The following GPC6 variants were observed in gnomAD, a reference collection of about 807,000 sequenced individuals.
GPC6 encodes the protein glypican-6.
Under a neutral mutation model 55.2 loss-of-function variants are expected in GPC6, and 14 were observed. That is an observed-to-expected ratio of 0.25 (90% CI 0.17 to 0.40). The LOEUF (loss-of-function observed/expected upper bound fraction) is 0.40. Ranked by LOEUF, GPC6 falls within the 10% of genes least tolerant of loss-of-function variation. The pLI is 1.00. For synonymous variants in GPC6, 278 were observed against 259.6 expected (o/e 1.07, Z -0.68); for missense variants, 641 against 708.5 (o/e 0.90, Z 1.08).
chr13:93,999,232 C>T (rs190179281), intron 3 of GPC6, among the ~76,000 whole-genome samples: 65 of 152,218 alleles, frequency 4.3e-4, no homozygotes, highest in Non-Finnish European at 7.6e-4. Context: ...TCCCTGTGTC[C>T]ATGTGTTCTC....
At chr13:93,852,558 A>G (rs867026775) in intron 3 of GPC6, among the ~76,000 whole-genome samples, 6 of 151,750 alleles carry the variant, frequency 4.0e-5, no homozygotes, top group African/African-American at 7.2e-5. Context: ...CCTAAAGTAG[A>G]GCCTACAGTA....
At chr13:93,294,688 A>G (rs558831520) in intron 1 of GPC6, among the ~76,000 whole-genome samples, 1 of 152,178 alleles carries the variant, frequency 6.6e-6, no homozygotes, top group East Asian at 1.9e-4. Flanking sequence ...CATAATAACA[A>G]AGATCTGAAA....
At chr13:93,440,673 A>G (rs1324887254) in intron 1 of GPC6, among the ~76,000 whole-genome samples, 2 of 137,968 alleles carry the variant, frequency 1.4e-5, no homozygotes, top group Non-Finnish European at 3.1e-5. Context: ...CAAGTCTTGC[A>G]TTTATTTATT....
intron 3 of GPC6, among the ~76,000 whole-genome samples, chr13:93,843,751 T>C (rs1888050986): frequency 6.6e-6 from 1 of 152,146 alleles, no homozygotes. Flanking sequence ...CTGAGCTTTT[T>C]TTTGCCTTAG....
intron 1 of GPC6, among the ~76,000 whole-genome samples, chr13:93,315,272 G>A (rs1879209171): frequency 6.6e-6 from 1 of 151,778 alleles, no homozygotes; most frequent in Non-Finnish European, 1.5e-5. Flanking sequence ...TTTGAAGATT[G>A]TATTTCTTTT....
intron 4 of GPC6, among the ~76,000 whole-genome samples, chr13:94,158,681 G>A (rs1448335742): frequency 6.6e-6 from 1 of 152,028 alleles, no homozygotes; most frequent in Non-Finnish European, 1.5e-5. Flanking sequence ...AGGGAGTGAA[G>A]ATAAACTCTG....
intron 2 of GPC6, among the ~76,000 whole-genome samples, chr13:93,682,855 A>G (rs987794751): frequency 1.1e-4 from 17 of 150,918 alleles, no homozygotes; most frequent in African/African-American, 4.1e-4. Context: ...AAAAAAAAAA[A>G]AAAAAAGGGA....
intron 8 of GPC6, among the ~76,000 whole-genome samples, chr13:94,401,479 G>A (rs755909710): frequency 3.3e-5 from 5 of 152,160 alleles, no homozygotes; most frequent in Non-Finnish European, 5.9e-5. Context: ...AGTTGGGCAG[G>A]AAGGGACGAT....
At chr13:94,162,111 T>C (rs1260474473) in intron 4 of GPC6, among the ~76,000 whole-genome samples, 5 of 152,224 alleles carry the variant, frequency 3.3e-5, no homozygotes, top group Non-Finnish European at 5.9e-5. Flanking sequence ...GAGATTTGGG[T>C]GGGGACACAG....
intron 1 of GPC6, among the ~76,000 whole-genome samples, chr13:93,544,439 G>A (rs1206321458): frequency 6.6e-6 from 1 of 152,246 alleles, no homozygotes; most frequent in East Asian, 1.9e-4. Context: ...GACATTGGGT[G>A]GATTTCCATT....
At chr13:93,480,746 G>A (rs1258083832) in intron 1 of GPC6, among the ~76,000 whole-genome samples, 1 of 151,608 alleles carries the variant, frequency 6.6e-6, no homozygotes, top group Admixed American at 6.6e-5. Context: ...TATGTTCAAG[G>A]GTCATCTACA....
intron 1 of GPC6, among the ~76,000 whole-genome samples, chr13:93,456,779 G>C (rs1377449308): frequency 6.6e-6 from 1 of 152,090 alleles, no homozygotes; most frequent in African/African-American, 2.4e-5. Context: ...GTAGCTTCTG[G>C]TGGTTTGTGG....
At chr13:93,387,331 C>T (rs1442329589) in intron 1 of GPC6, among the ~76,000 whole-genome samples, 1 of 152,052 alleles carries the variant, frequency 6.6e-6, no homozygotes, top group Non-Finnish European at 1.5e-5. Context: ...CCCTTCCCCT[C>T]CACCCCCAAC....
At chr13:94,174,149 C>G (rs1325275519) in intron 4 of GPC6, among the ~76,000 whole-genome samples, 2 of 152,030 alleles carry the variant, frequency 1.3e-5, no homozygotes, top group African/African-American at 4.8e-5. Flanking sequence ...AAATTTTGCA[C>G]CATGAAAAAG....
intron 1 of GPC6, among the ~76,000 whole-genome samples, chr13:93,446,897 TAAA>T (rs142833192): frequency 6.6e-6 from 1 of 151,034 alleles, no homozygotes; most frequent in African/African-American, 2.4e-5. Context: ...TTTATGAAAA[TAAA>T]AAAAGAATTT....
At chr13:94,293,066 A>G (rs890670995) in intron 5 of GPC6, among the ~76,000 whole-genome samples, 1 of 152,186 alleles carries the variant, frequency 6.6e-6, no homozygotes, top group Non-Finnish European at 1.5e-5. Context: ...GACCAGGGGC[A>G]AGAGCATATT....
intron 3 of GPC6, among the ~76,000 whole-genome samples, chr13:94,019,043 T>C (rs1566294955): frequency 6.6e-6 from 1 of 152,222 alleles, no homozygotes. Context: ...TATGTCTTTG[T>C]CTGGCTTTGG....
chr13:94,214,196 A>G (rs1007972761), intron 4 of GPC6, among the ~76,000 whole-genome samples: 4 of 152,232 alleles, frequency 2.6e-5, no homozygotes, highest in African/African-American at 9.6e-5. Context: ...ACCAAATTTA[A>G]TAGAACTTCA....
intron 2 of GPC6, among the ~76,000 whole-genome samples, chr13:93,806,253 C>G (rs1447164762): frequency 6.6e-6 from 1 of 152,170 alleles, no homozygotes; most frequent in African/African-American, 2.4e-5. Context: ...TCATGGGCCT[C>G]TGTTCCATTG....
Sources: allele counts gnomAD v4.1 joint callset (sites outside exome capture counted in the v4.1 genomes callset), GRCh38; gene constraint gnomAD v4.1.1; transcripts MANE v1.5; gene names NCBI Gene and HGNC (gene_info 2026-07-23, HGNC 2026-07-21).